Variants in BCAS1 observed in about 807,000 individuals in gnomAD.
BCAS1 encodes brain enriched myelin associated protein 1, also known as breast carcinoma-amplified sequence 1.
Under a neutral mutation model 65.4 loss-of-function variants are expected in BCAS1, and 46 were observed. That is an observed-to-expected ratio of 0.70 (90% CI 0.55 to 0.90). The LOEUF is 0.90. Ranked by LOEUF, BCAS1 falls within the 40% of genes least tolerant of loss-of-function variation. The probability of loss-of-function intolerance (pLI) is 0.00; values close to 1 mark genes in which losing one functional copy is unlikely to be tolerated. For synonymous variants in BCAS1, 298 were observed against 293.5 expected, an observed-to-expected ratio of 1.02 and a Z score of -0.16; for missense variants, 793 against 771.2, an observed-to-expected ratio of 1.03 and a Z score of -0.33.
intron 12 of BCAS1, among the ~76,000 whole-genome samples, chr20:53,949,149 C>A (rs1386580077): frequency 6.6e-6 from 1 of 152,042 alleles, no homozygotes; most frequent in African/African-American, 2.4e-5. Flanking sequence ...TTCCATCAAT[C>A]AGAATAGTTT....
At chr20:54,062,785 G>T (rs1416621064) in intron 1 of BCAS1, among the ~76,000 whole-genome samples, 1 of 152,206 alleles carries the variant, frequency 6.6e-6, no homozygotes, top group Non-Finnish European at 1.5e-5. Flanking sequence ...AAAATCTAAT[G>T]GCGTGTCTTT....
chr20:54,050,125 T>C (rs2092185370), intron 3 of BCAS1, among the ~76,000 whole-genome samples: 1 of 152,154 alleles, frequency 6.6e-6, no homozygotes. Flanking sequence ...AGTCCAGCAG[T>C]GTAGCATCTT....
chr20:54,017,401 T>TTTC (rs199728129), intron 4 of BCAS1, among the ~76,000 whole-genome samples: 33 of 67,206 alleles, frequency 4.9e-4, no homozygotes, highest in East Asian at 3.4e-3. Context: ...TTTCTTTTCT[T>TTTC]TTTTTTTTTT....
At chr20:54,014,389 G>A (rs949317478) in intron 4 of BCAS1, among the ~76,000 whole-genome samples, 1 of 152,244 alleles carries the variant, frequency 6.6e-6, no homozygotes, top group East Asian at 1.9e-4. Context: ...AAATAATGCC[G>A]CCTTATCATA....
At chr20:54,018,615 C>T (rs745844762) in intron 4 of BCAS1, among the ~76,000 whole-genome samples, 27 of 152,088 alleles carry the variant, frequency 1.8e-4, no homozygotes, top group Non-Finnish European at 3.5e-4. Context: ...GGATTACAGG[C>T]GTGAGCCACC....
At position 54,031,593 on chromosome 20, in the gene BCAS1, G is replaced by A. The variant is rs143659700; in HGVS notation, c.143-2621C>T. ...ATTAAAAAAGAGTTGCAAACCAATA[G>A]GAGGTACACTTGAGAATCAGCACAA... is the stretch of plus-strand genomic sequence containing the variant. On this transcript the variant is annotated intron_variant, in intron 3 of 12. Transcript: ENST00000688948. Among the ~76,000 whole-genome samples the A allele has an allele frequency of 6.0e-3, 906 of 151,414 alleles. 43 individuals are homozygous for A. Among genetic ancestry groups the A allele is most frequent in the Non-Finnish European group, 0.01 (690 of 67,578 alleles).
intron 4 of BCAS1, among the ~76,000 whole-genome samples, chr20:54,027,476 T>C (rs766198194): frequency 2.0e-4 from 30 of 152,202 alleles, no homozygotes; most frequent in Non-Finnish European, 3.7e-4. Flanking sequence ...TTAAGACAAA[T>C]ATATTTGGAG....
chr20:54,032,190 C>G (rs1364099369), intron 3 of BCAS1, among the ~76,000 whole-genome samples: 1 of 151,278 alleles, frequency 6.6e-6, no homozygotes, highest in African/African-American at 2.4e-5. Context: ...CATTCTTAAA[C>G]AAAAAGAATT....
At chr20:53,953,942 C>T (rs964329600) in intron 11 of BCAS1, among the ~76,000 whole-genome samples, 2 of 152,164 alleles carry the variant, frequency 1.3e-5, no homozygotes, top group Non-Finnish European at 2.9e-5. Context: ...CTCTTTATCC[C>T]TTATTCTGGA....
At chr20:54,032,971 C>G (rs2091832820) in intron 3 of BCAS1, among the ~76,000 whole-genome samples, 1 of 150,966 alleles carries the variant, frequency 6.6e-6, no homozygotes, top group Non-Finnish European at 1.5e-5. Context: ...AATCAAATGG[C>G]CCTGATAGAT....
At chr20:54,068,867 G>T (rs887764074) in intron 1 of BCAS1, among the ~76,000 whole-genome samples, 1 of 152,028 alleles carries the variant, frequency 6.6e-6, no homozygotes, top group African/African-American at 2.4e-5. Flanking sequence ...AAGGTGCAAA[G>T]GTACCCCCGC....
chr20:53,970,349 A>C (rs551362302), intron 9 of BCAS1, among the ~76,000 whole-genome samples: 1 of 152,330 alleles, frequency 6.6e-6, no homozygotes, highest in Admixed American at 6.5e-5. Flanking sequence ...GCTGGCTTTT[A>C]GTAGCCAAGG....
At position 54,028,457 on chromosome 20, in the gene BCAS1, G is replaced by A; in HGVS notation, c.658C>T (p.His220Tyr). The change falls in exon 4 of 13, where the codon CAT becomes TAT. Residue 220 changes from histidine (H) to tyrosine (Y), a missense_variant. Coordinates refer to ENST00000688948, the MANE Select transcript of BCAS1 (RefSeq NM_001366298.2). ...DSQQEAKRAE[H>Y]QDKVDEVPGL... ...GGAACCTCATCCACCTTGTCTTGATGCTCTGCCCTCTTGGCTTCCTGTTGG... is the reference window on the plus strand; with the variant it reads ...GGAACCTCATCCACCTTGTCTTGATACTCTGCCCTCTTGGCTTCCTGTTGG... 6.2e-7 allele frequency: 1 copy of A among 1,614,198 alleles called. No individual in the cohort carries two copies. The highest frequency in any genetic ancestry group is 1.7e-5 in the Admixed American group (1 of 60,030).
intron 1 of BCAS1, among the ~76,000 whole-genome samples, chr20:54,069,076 C>G (rs1030783690): frequency 2.0e-5 from 3 of 152,292 alleles, no homozygotes; most frequent in South Asian, 2.1e-4. Context: ...TTTGTTCCCC[C>G]ACCCTCACTT....
intron 1 of BCAS1, among the ~76,000 whole-genome samples, chr20:54,066,273 C>T (rs530517747): frequency 7.2e-5 from 11 of 152,258 alleles, no homozygotes; most frequent in South Asian, 2.1e-4. Flanking sequence ...GGGGTTTCCC[C>T]GTGTTAGCCA....
chr20:53,970,969 T>C (rs1376406829), intron 9 of BCAS1, among the ~76,000 whole-genome samples: 1 of 152,130 alleles, frequency 6.6e-6, no homozygotes, highest in Non-Finnish European at 1.5e-5. Flanking sequence ...GCTTACACAC[T>C]CTAATTTTGC....
chr20:54,069,884 G>A (rs1195692867), intron 1 of BCAS1, among the ~76,000 whole-genome samples: 1 of 152,232 alleles, frequency 6.6e-6, no homozygotes, highest in Non-Finnish European at 1.5e-5. Context: ...AACTGGTTCA[G>A]AGGGAGATGT....
At chr20:53,975,306 G>C in intron 9 of BCAS1, 83 bp downstream of exon 9, 2 of 1,234,328 alleles carry the variant, frequency 1.6e-6, no homozygotes, top group Non-Finnish European at 2.4e-6. Flanking sequence ...AAGAACACAG[G>C]ACCCCAGAGC....
intron 4 of BCAS1, among the ~76,000 whole-genome samples, chr20:54,000,939 T>C (rs2091041104): frequency 6.6e-6 from 1 of 152,222 alleles, no homozygotes; most frequent in Admixed American, 6.5e-5. Context: ...CCTGTGTCAG[T>C]TCTGGGTAGG....
Sources: gnomAD v4.1 joint callset for allele counts (sites outside exome capture counted in the v4.1 genomes callset) on GRCh38, gnomAD v4.1.1 for gene constraint, MANE v1.5 for transcripts, NCBI Gene and HGNC (gene_info 2026-07-23, HGNC 2026-07-21) for gene names.